The following CLMN variants were observed in gnomAD, a reference collection of about 807,000 sequenced individuals.
CLMN encodes the protein calmin (calponin-like, transmembrane).
A neutral mutation model predicts 92.7 loss-of-function variants in CLMN; 57 were observed. The observed-to-expected ratio is 0.61, with a 90% CI of 0.50 to 0.77. The LOEUF (loss-of-function observed/expected upper bound fraction) is 0.77, where lower values mean the gene tolerates loss of function less well. Among genes scored for constraint, CLMN ranks in the 30% least tolerant of loss-of-function variants. The probability of loss-of-function intolerance (pLI) is 0.00; values close to 1 mark genes in which losing one functional copy is unlikely to be tolerated. For synonymous variants in CLMN, 466 were observed against 470.6 expected (o/e 0.99, Z 0.13); for missense variants, 1,158 against 1,237.5 (o/e 0.94, Z 0.96).
chr14:95,213,542 A>AAGC, intron 5 of CLMN, 133 bp from the exon 6 acceptor site: 2 of 769,478 alleles, frequency 2.6e-6, no homozygotes, highest in Non-Finnish European at 4.1e-6. Context: ...GAATGCAGAG[A>AAGC]AACCCTTTCT....
chr14:95,258,177 T>G (rs116494632), intron 1 of CLMN, among the ~76,000 whole-genome samples: 73 of 151,602 alleles, frequency 4.8e-4, no homozygotes, highest in Middle Eastern at 3.4e-3. Flanking sequence ...ATATGTGGGG[T>G]GTGTGTATAT....
chr14:95,257,954 G>C (rs1899068743), intron 1 of CLMN, among the ~76,000 whole-genome samples: 1 of 152,212 alleles, frequency 6.6e-6, no homozygotes, highest in Non-Finnish European at 1.5e-5. Context: ...GAGAGGGGCA[G>C]AGGCAAAAGT....
chr14:95,214,858 C>T (rs953314659), intron 5 of CLMN, among the ~76,000 whole-genome samples: 8 of 152,122 alleles, frequency 5.3e-5, no homozygotes, highest in African/African-American at 1.7e-4. Context: ...AAATCATGCC[C>T]GTGTGGATCA....
chr14:95,195,468 A>G (rs149361914), intron 10 of CLMN, among the ~76,000 whole-genome samples: 22 of 152,326 alleles, frequency 1.4e-4, no homozygotes, highest in African/African-American at 5.3e-4. Flanking sequence ...GGGAGGTGGA[A>G]AGCCAGGCAC....
chr14:95,313,017 C>A (rs1339229888), intron 1 of CLMN, among the ~76,000 whole-genome samples: 1 of 152,090 alleles, frequency 6.6e-6, no homozygotes, highest in African/African-American at 2.4e-5. Context: ...ACCAGCCTGG[C>A]CAACATGGTG....
At position 95,213,327 on chromosome 14, in the gene CLMN, G is replaced by A. The variant is rs1259116387; in HGVS notation, c.500C>T (p.Ser167Leu). Residue 167 changes from serine (S) to leucine (L), a missense_variant, in exon 6 of 13, where the codon TCA (serine) becomes TTA (leucine). Ser to Leu is a moderately radical substitution (Grantham distance 145, BLOSUM62 -2). Coordinates refer to ENST00000298912, the MANE Select transcript of CLMN (RefSeq NM_024734.4). ...TGCAGTGGGTGTGGGTGGGAAGGATGAGTCTGAGTCTGTGCCCCCTGAGCC... is the reference window on the plus strand; with the variant it reads ...TGCAGTGGGTGTGGGTGGGAAGGATAAGTCTGAGTCTGTGCCCCCTGAGCC... ...SPGSGGTDSD[S>L]SFPPTPTAER... 15 of 1,613,860 alleles carry A rather than the reference G, an allele frequency of 9.3e-6. No homozygotes were observed. The highest frequency in any genetic ancestry group is 1.3e-5 in the African/African-American group (1 of 74,898).
chr14:95,223,860 G>T lies in CLMN; in HGVS notation c.145-5C>A. 1.2e-6 allele frequency: 2 copies of T among 1,603,506 alleles called. No homozygotes were observed. Among genetic ancestry groups the T allele is most frequent in the Non-Finnish European group, 1.7e-6 (2 of 1,173,394 alleles). ...AACTTCTAGAGGTGGGTTGCACTTT[G>T]AAAGAGAAGGGAAGAAAGTAGCCAA... On this transcript the variant is annotated splice_polypyrimidine_tract_variant and splice_region_variant and intron_variant, in intron 2 of 12. Coordinates refer to ENST00000298912, the MANE Select transcript of CLMN (RefSeq NM_024734.4).
At chr14:95,319,595 A>G (rs1424812922) in intron 1 of CLMN, 116 bp downstream of exon 1, 1 of 835,256 alleles carries the variant, frequency 1.2e-6, no homozygotes, top group Non-Finnish European at 1.8e-6. Flanking sequence ...GGCAAGTGAC[A>G]GGAACAACGA....
chr14:95,318,539 C>T (rs896929444), intron 1 of CLMN, among the ~76,000 whole-genome samples: 2 of 152,120 alleles, frequency 1.3e-5, no homozygotes, highest in Admixed American at 6.5e-5. Context: ...CTTGACTGCT[C>T]GGCCATCCCC....
At chr14:95,217,412 T>A (rs1373049609) in intron 4 of CLMN, among the ~76,000 whole-genome samples, 3 of 152,090 alleles carry the variant, frequency 2.0e-5, no homozygotes, top group Non-Finnish European at 2.9e-5. Context: ...GAGTTCTGGG[T>A]TCCCAAGCTG....
At chr14:95,234,694 AG>A (rs1234622951) in intron 1 of CLMN, among the ~76,000 whole-genome samples, 1 of 152,110 alleles carries the variant, frequency 6.6e-6, no homozygotes, top group Non-Finnish European at 1.5e-5. Context: ...GACAGAAGGG[AG>A]GGAGGCCTGG....
intron 8 of CLMN, among the ~76,000 whole-genome samples, chr14:95,207,060 T>C (rs1187610): frequency 0.29 from 44,151 of 151,958 alleles, 8,119 homozygotes; most frequent in African/African-American, 0.51. Context: ...TTGGCAGGGC[T>C]GGATCCCTTT....
intron 1 of CLMN, among the ~76,000 whole-genome samples, chr14:95,295,920 TA>T (rs1410237042): frequency 6.6e-6 from 1 of 152,224 alleles, no homozygotes; most frequent in Non-Finnish European, 1.5e-5. Flanking sequence ...TCCCTTGTTG[TA>T]ACAAATTGCC....
At chr14:95,199,120 G>C (rs1896805344) in intron 9 of CLMN, 1 of 152,100 alleles carries the variant, frequency 6.6e-6, no homozygotes, top group Non-Finnish European at 1.5e-5. Context: ...CCCTCGGCCT[G>C]AGGATGCTGC....
At position 95,184,535 on chromosome 14, in the gene CLMN, G is replaced by C. The variant is rs1406365193; in HGVS notation, c.*7029C>G. 6.6e-6 allele frequency: 1 copy of C among 152,236 alleles called. No homozygotes were observed. The highest frequency in any genetic ancestry group is 1.5e-5 in the Non-Finnish European group (1 of 68,048). The allele number at this position is 152,236 out of a possible 1,614,324, so 9.4% of individuals were successfully genotyped here. On this transcript the variant is annotated 3_prime_UTR_variant, in exon 13 of 13. Coordinates refer to ENST00000298912, the MANE Select transcript of CLMN (RefSeq NM_024734.4). ...GAATGTTTTTTGGCATGTTGCTCCA[G>C]CCCTGGCTGGGAGGAACTGCTTGCT...
Position 95,191,381 on chromosome 14 carries a change from GT to G in CLMN, c.*182del. On this transcript the variant is annotated 3_prime_UTR_variant, in exon 13 of 13. Transcript: ENST00000298912. This position sits in a 1 kb window ranked among gnomAD's most constrained non-coding sequence, Gnocchi z 5.3. The stretch of plus-strand genomic sequence containing the variant: ...CAGCCAAAGAAAAAAGCATGCTCAG[GT>G]TGTCCAGAAAAAAAAGGAAACCTGA... 1 of 448,548 alleles carries G rather than the reference GT, an allele frequency of 2.2e-6. No individual in the cohort carries two copies. The highest frequency in any genetic ancestry group is 3.8e-6 in the Non-Finnish European group (1 of 259,850). 27.8% of individuals were successfully genotyped at this position (448,548 alleles called of 1,614,324 possible).
At position 95,190,574 on chromosome 14, in the gene CLMN, C is replaced by T. The variant is rs1370984660; in HGVS notation, c.*990G>A. The T allele has an allele frequency of 1.3e-5, 2 of 152,536 alleles. No individual in the cohort carries two copies. The highest frequency in any genetic ancestry group is 2.9e-5 in the Non-Finnish European group (2 of 68,262). The allele number at this position is 152,536 out of a possible 1,614,324, so 9.4% of individuals were successfully genotyped here. On this transcript the variant is annotated 3_prime_UTR_variant, in exon 13 of 13. Transcript: ENST00000298912. ...GGGCAGGGGTGCTAGAGATGCCTCT[C>T]TTCTTTCACAAACCTCCTGTGCTGG...
At chr14:95,296,685 G>A (rs556549736) in intron 1 of CLMN, among the ~76,000 whole-genome samples, 1 of 152,288 alleles carries the variant, frequency 6.6e-6, no homozygotes, top group East Asian at 1.9e-4. Flanking sequence ...TGTAACGGCT[G>A]GAGCTCTAGC....
rs1185827491 is a variant in CLMN at position 95,191,221 on chromosome 14, G to A, written c.*343C>T. On this transcript the variant is annotated 3_prime_UTR_variant, in exon 13 of 13. Transcript: ENST00000298912. The surrounding 1 kb of genome is among the most constrained non-coding windows in gnomAD (Gnocchi z 5.3). ...AGAAACTCAAGTTCATCCAGCGTGT[G>A]AACCTGCAATGTGGGGTGTGCTAAG... The A allele has an allele frequency of 6.0e-6, 1 of 166,190 alleles. No individual in the cohort carries two copies. The highest frequency in any genetic ancestry group is 1.6e-4 in the East Asian group (1 of 6,128). The allele number at this position is 166,190 out of a possible 1,614,324, so 10.3% of individuals were successfully genotyped here. A position where few individuals can be genotyped will look rare whatever the true frequency, so the allele number is the denominator to read the frequency against.
Sources: allele counts gnomAD v4.1 joint callset (sites outside exome capture counted in the v4.1 genomes callset), GRCh38; gene constraint gnomAD v4.1.1; non-coding constraint Gnocchi (gnomAD v3.1); transcripts MANE v1.5; gene names NCBI Gene and HGNC (gene_info 2026-07-23, HGNC 2026-07-21).